OPCML: variants seen among roughly 807,000 people sequenced by gnomAD.
OPCML encodes opioid binding protein/cell adhesion molecule like, also known as opioid-binding protein/cell adhesion molecule.
In OPCML, 13 loss-of-function variants were observed where a neutral mutation model predicts 37.8. The observed-to-expected ratio is 0.34, with a 90% CI of 0.22 to 0.55. The LOEUF (loss-of-function observed/expected upper bound fraction) is 0.55, where lower values mean the gene tolerates loss of function less well. Ranked by LOEUF, OPCML falls within the 20% of genes least tolerant of loss-of-function variation. OPCML has a pLI of 0.91. For missense variants in OPCML, 341 were observed against 435.6 expected (o/e 0.78, Z 1.93); for synonymous variants, 176 against 168.8 (o/e 1.04, Z -0.33).
At chr11:133,413,228 A>G (rs1945687552) in intron 1 of OPCML, among the ~76,000 whole-genome samples, 1 of 151,046 alleles carries the variant, frequency 6.6e-6, no homozygotes. Context: ...ACCGAGGGGT[A>G]GGAGTTGTTA....
chr11:133,509,647 T>C (rs1050568444), intron 1 of OPCML, among the ~76,000 whole-genome samples: 1 of 152,120 alleles, frequency 6.6e-6, no homozygotes, highest in African/African-American at 2.4e-5. Flanking sequence ...GGAGCTCCAA[T>C]CTCATTTCTG....
chr11:132,618,946 CACACGCAT>C (rs1426990438), intron 3 of OPCML, among the ~76,000 whole-genome samples: 2 of 125,100 alleles, frequency 1.6e-5, no homozygotes, highest in Non-Finnish European at 3.3e-5. Flanking sequence ...CACACACAAG[CACACGCAT>C]ACACACACAC....
At chr11:133,507,570 T>C (rs1948061887) in intron 1 of OPCML, among the ~76,000 whole-genome samples, 1 of 152,092 alleles carries the variant, frequency 6.6e-6, no homozygotes, top group South Asian at 2.1e-4. Flanking sequence ...TAGAGATGAT[T>C]CCTGTCCTCA....
chr11:132,491,752 T>C (rs767209582), intron 4 of OPCML, among the ~76,000 whole-genome samples: 15 of 152,296 alleles, frequency 9.8e-5, no homozygotes, highest in Non-Finnish European at 1.5e-4. Context: ...AAGGTCCTGC[T>C]CACAAAGAGC....
At chr11:132,799,071 C>A (rs575703396) in intron 2 of OPCML, among the ~76,000 whole-genome samples, 1 of 151,848 alleles carries the variant, frequency 6.6e-6, no homozygotes, top group Non-Finnish European at 1.5e-5. Context: ...ATGGCTTCAA[C>A]TTGTGGTCAC....
intron 2 of OPCML, among the ~76,000 whole-genome samples, chr11:132,811,923 G>T (rs996657768): frequency 5.9e-5 from 9 of 152,212 alleles, no homozygotes; most frequent in Non-Finnish European, 1.3e-4. Flanking sequence ...GCAGAACAGT[G>T]TGTTGCTTAT....
chr11:132,598,670 G>A (rs1421567566), intron 3 of OPCML, among the ~76,000 whole-genome samples: 2 of 152,130 alleles, frequency 1.3e-5, no homozygotes, highest in Non-Finnish European at 2.9e-5. Flanking sequence ...AAAGGCCATG[G>A]AGAGAAGTGC....
At chr11:132,471,261 G>T (rs978952827) in intron 4 of OPCML, among the ~76,000 whole-genome samples, 1 of 152,140 alleles carries the variant, frequency 6.6e-6, no homozygotes, top group East Asian at 1.9e-4. Flanking sequence ...ACATGGCAGG[G>T]GATGGCTGTG....
chr11:133,002,471 A>G (rs973632344), intron 1 of OPCML, among the ~76,000 whole-genome samples: 1 of 152,212 alleles, frequency 6.6e-6, no homozygotes, highest in African/African-American at 2.4e-5. Flanking sequence ...CGCCCTGAGT[A>G]AGCCTCTTAA....
At chr11:132,713,050 C>T (rs1944330481) in intron 2 of OPCML, among the ~76,000 whole-genome samples, 1 of 152,028 alleles carries the variant, frequency 6.6e-6, no homozygotes, top group African/African-American at 2.4e-5. Flanking sequence ...CTTTTTCCCC[C>T]TCATAGATCC....
intron 2 of OPCML, among the ~76,000 whole-genome samples, chr11:132,766,823 T>C (rs1049269957): frequency 2.0e-5 from 3 of 152,122 alleles, no homozygotes; most frequent in African/African-American, 7.2e-5. Context: ...AAGATATTAC[T>C]AGCAAAAATG....
Position 132,943,023 on chromosome 11 carries a change from G to T in OPCML, c.62-13C>A, listed in dbSNP as rs761551242. On this transcript the variant is annotated splice_polypyrimidine_tract_variant and intron_variant, in intron 1 of 7. Coordinates refer to ENST00000524381, the MANE Select transcript of OPCML (RefSeq NM_001012393.5). The surrounding 1 kb of genome is among the most constrained non-coding windows in gnomAD (Gnocchi z 4.3). Reference sequence around the variant, plus strand: ...CGCACGGGCACTCCTGTGGGTACAAGGAACAGCAGCCTGAGAGACACGACC... The same window carrying T: ...CGCACGGGCACTCCTGTGGGTACAATGAACAGCAGCCTGAGAGACACGACC... 1.9e-6 allele frequency: 3 copies of T among 1,614,034 alleles called. No homozygotes were observed. The East Asian group carries it at 6.7e-5, about 36-fold the overall frequency.
In OPCML at chr11:133,251,583, G is replaced by C. The variant is rs1199285495; in HGVS notation, c.61+280681C>G. On this transcript the variant is annotated intron_variant, in intron 1 of 7. Transcript: ENST00000524381. ...TTTGTTTGTGTTCTTTTTTTGGGGG[G>C]GGGAGGGGACACGGGGTACAGACCT... 3.3e-5 allele frequency among the ~76,000 whole-genome samples: 5 copies of C among 151,778 alleles called. No homozygotes were observed. The South Asian group carries it at 1.0e-3, about 32-fold the overall frequency.
At chr11:133,026,350 G>T in intron 1 of OPCML, 1 of 973,340 alleles carries the variant, frequency 1.0e-6, no homozygotes, top group Non-Finnish European at 1.2e-6. Context: ...ACTTATCCAC[G>T]CGTAATACCC....
At chr11:133,484,036 A>AGATG (rs1947465587) in intron 1 of OPCML, among the ~76,000 whole-genome samples, 1 of 46,998 alleles carries the variant, frequency 2.1e-5, no homozygotes, top group Admixed American at 2.0e-4. Flanking sequence ...CAGATTAGAT[A>AGATG]GATAGATAGA....
chr11:132,654,921 G>T (rs750855006), intron 3 of OPCML, among the ~76,000 whole-genome samples: 1 of 151,432 alleles, frequency 6.6e-6, no homozygotes. Context: ...CCTGGAATGC[G>T]GAGACTGAGG....
intron 1 of OPCML, among the ~76,000 whole-genome samples, chr11:133,055,653 C>A (rs1444889092): frequency 6.8e-6 from 1 of 147,604 alleles, no homozygotes; most frequent in East Asian, 2.1e-4. Context: ...CATGAGGGAG[C>A]CGCCTCTACC....
chr11:132,552,009 A>T (rs80356407), intron 3 of OPCML, among the ~76,000 whole-genome samples: 18,897 of 152,182 alleles, frequency 0.12, 1,746 homozygotes, highest in East Asian at 0.47. Context: ...CAGGGTTTCC[A>T]TCTGAGTCTG....
At chr11:133,045,124 G>A (rs1361548261) in intron 1 of OPCML, among the ~76,000 whole-genome samples, 2 of 152,116 alleles carry the variant, frequency 1.3e-5, no homozygotes, top group Non-Finnish European at 2.9e-5. Context: ...CCCAATCCCT[G>A]CCCCTCACAC....
Sources: allele counts gnomAD v4.1 joint callset (sites outside exome capture counted in the v4.1 genomes callset), GRCh38; gene constraint gnomAD v4.1.1; non-coding constraint Gnocchi (gnomAD v3.1); transcripts MANE v1.5; gene names NCBI Gene and HGNC (gene_info 2026-07-23, HGNC 2026-07-21).